The following UHMK1 variants were observed in gnomAD, a reference collection of about 807,000 sequenced individuals.
UHMK1 encodes U2AF homology motif kinase 1, also known as serine/threonine-protein kinase Kist.
In UHMK1, 18 loss-of-function variants were observed where a neutral mutation model predicts 44.0. That is an observed-to-expected ratio of 0.41 (90% CI 0.28 to 0.61). UHMK1 has a LOEUF of 0.61. Among genes scored for constraint, UHMK1 ranks in the 20% least tolerant of loss-of-function variants. The probability of loss-of-function intolerance (pLI) is 0.31; values close to 1 mark genes in which losing one functional copy is unlikely to be tolerated. For synonymous variants in UHMK1, 231 were observed against 198.5 expected, an observed-to-expected ratio of 1.16 and a Z score of -1.38; for missense variants, 463 against 522.5, an observed-to-expected ratio of 0.89 and a Z score of 1.11.
At chr1:162,506,811 C>T (rs1571008334) in intron 4 of UHMK1, among the ~76,000 whole-genome samples, 1 of 151,916 alleles carries the variant, frequency 6.6e-6, no homozygotes, top group African/African-American at 2.4e-5. Context: ...TTGCAGTGAG[C>T]TAAGATCGTG....
intron 1 of UHMK1, among the ~76,000 whole-genome samples, chr1:162,498,674 C>CACCTATTATATCTTA (rs1557938314): frequency 2.0e-5 from 3 of 152,120 alleles, no homozygotes; most frequent in African/African-American, 7.2e-5. Flanking sequence ...GCTAGTAACT[C>CACCTATTATATCTTA]GTATAGCTCA....
At chr1:162,510,735 C>T (rs1452052159) in intron 4 of UHMK1, among the ~76,000 whole-genome samples, 2 of 151,288 alleles carry the variant, frequency 1.3e-5, no homozygotes, top group East Asian at 3.9e-4. Context: ...TAGGTTGATT[C>T]CATATCTTGT....
At position 162,528,796 on chromosome 1, in the gene UHMK1, A is replaced by G. The variant is rs1028870463; in HGVS notation, c.*6246A>G. ...TTTGAAATATCTTAAATAATTTAAC[A>G]TTCCTTTATAACTTCTTAACAGTGT... On this transcript the variant is annotated 3_prime_UTR_variant, in exon 8 of 8. Coordinates refer to ENST00000489294, the MANE Select transcript of UHMK1 (RefSeq NM_175866.5). The G allele has an allele frequency of 1.3e-5, 2 of 152,120 alleles. No homozygotes were observed. Among genetic ancestry groups the G allele is most frequent in the Admixed American group, 6.6e-5 (1 of 15,266 alleles). The allele number at this position is 152,120 out of a possible 1,614,324, so 9.4% of individuals were successfully genotyped here.
At position 162,501,010 on chromosome 1, in the gene UHMK1, C is replaced by T; in HGVS notation, c.659C>T (p.Thr220Ile). Reference protein sequence around the residue: ...QAGLQSDTECTSAVDLWSLGI... With the variant: ...QAGLQSDTECISAVDLWSLGI... ...GGCCTGCAGAGTGATACAGAATGTA[C>T]CTCAGCTGTTGATCTGTGGAGCCTA... Residue 220 changes from threonine to isoleucine, a missense_variant, in exon 3 of 8, where the codon ACC becomes ATC. By Grantham distance (89) the Thr-to-Ile change is moderately conservative (BLOSUM62 -1). Around this residue, in one of 3 missense-constraint regions of UHMK1, gnomAD observed 264 missense variants for 326.3 expected, o/e 0.81. Transcript: ENST00000489294. 6.2e-7 allele frequency: 1 copy of T among 1,614,032 alleles called. No homozygotes were observed. The highest frequency in any genetic ancestry group is 8.5e-7 in the Non-Finnish European group (1 of 1,180,012).
intron 6 of UHMK1, among the ~76,000 whole-genome samples, chr1:162,514,612 A>AAGAAGGAAGGAG (rs1651775505): frequency 6.6e-6 from 1 of 152,184 alleles, no homozygotes; most frequent in South Asian, 2.1e-4. Flanking sequence ...GAAGGAAGGA[A>AAGAAGGAAGGAG]AGAAGGAAGG....
intron 7 of UHMK1, among the ~76,000 whole-genome samples, chr1:162,519,074 T>C (rs951566301): frequency 2.6e-5 from 4 of 151,634 alleles, no homozygotes; most frequent in Non-Finnish European, 1.5e-5. Context: ...CCTAGCACTT[T>C]GGGAGGCCGA....
chr1:162,518,054 CTTGT>C (rs766829209), intron 6 of UHMK1, 44 bp from the exon 7 acceptor site: 36 of 1,334,142 alleles, frequency 2.7e-5, no homozygotes, highest in Non-Finnish European at 3.6e-5. Flanking sequence ...ATGTTGAATA[CTTGT>C]TTATTATATC....
chr1:162,511,985 TG>T (rs2101678894), intron 4 of UHMK1, among the ~76,000 whole-genome samples: 2 of 152,246 alleles, frequency 1.3e-5, no homozygotes, highest in South Asian at 4.2e-4. Flanking sequence ...TTTTGGTTAC[TG>T]TAGCTTCATA....
At position 162,525,672 on chromosome 1, in the gene UHMK1, C is replaced by T. The variant is rs1652219839; in HGVS notation, c.*3122C>T. The stretch of plus-strand genomic sequence containing the variant: ...AGGAATTTTTAAAACTATTCTCTTG[C>T]AATAAGAGATCCGCATTTATTACCA... On this transcript the variant is annotated 3_prime_UTR_variant, in exon 8 of 8. Coordinates refer to ENST00000489294, the MANE Select transcript of UHMK1 (RefSeq NM_175866.5). 6.6e-6 allele frequency: 1 copy of T among 152,170 alleles called. No individual in the cohort carries two copies. The highest frequency in any genetic ancestry group is 1.5e-5 in the Non-Finnish European group (1 of 68,034). 9.4% of individuals were successfully genotyped at this position (152,170 alleles called of 1,614,324 possible).
intron 7 of UHMK1, among the ~76,000 whole-genome samples, chr1:162,522,015 A>G (rs1652077078): frequency 6.6e-6 from 1 of 152,146 alleles, no homozygotes. Context: ...ATTATCATCC[A>G]GGTACCATTG....
chr1:162,499,930 A>G (rs780837537), intron 1 of UHMK1, 25 bp from the exon 2 acceptor site: 5 of 1,608,196 alleles, frequency 3.1e-6, no homozygotes, highest in Non-Finnish European at 4.2e-6. Context: ...TCTGATTTTT[A>G]AAGTATTATA....
At chr1:162,507,072 T>C (rs1651495138) in intron 4 of UHMK1, among the ~76,000 whole-genome samples, 1 of 152,148 alleles carries the variant, frequency 6.6e-6, no homozygotes, top group Non-Finnish European at 1.5e-5. Flanking sequence ...CCTCCTCGTC[T>C]ACATACGTTT....
rs200218058 is a variant in UHMK1 at position 162,498,198 on chromosome 1, C to A, written c.198C>A (p.Ala66=). 4.3e-5 allele frequency: 69 copies of A among 1,612,922 alleles called. No homozygotes were observed. The East Asian group carries it at 1.4e-3, about 34-fold the overall frequency. Residue 66 remains alanine (A), a synonymous_variant, in exon 1 of 8, where the codon GCC becomes GCA. Coordinates refer to ENST00000489294, the MANE Select transcript of UHMK1 (RefSeq NM_175866.5). ...CGCCAGGAACCACCGGGGCTGCGGC[C>A]TCTGCCGCCGAGTATGGTTTCCGCA... ...FLPPGTTGAA[A]SAAEYGFRKE... is the part of the protein sequence containing the mutation.
Position 162,522,630 on chromosome 1 carries a change from T to TTAC in UHMK1, c.*81_*83dup. 7.0e-7 allele frequency: 1 copy of TTAC among 1,423,814 alleles called. No individual in the cohort carries two copies. Among genetic ancestry groups the TTAC allele is most frequent in the South Asian group, 1.3e-5 (1 of 75,556 alleles). The allele number at this position is 1,423,814 out of a possible 1,614,324, so 88.2% of individuals were successfully genotyped here. On this transcript the variant is annotated 3_prime_UTR_variant, in exon 8 of 8. Transcript: ENST00000489294. ...CACATATGAATGCAGGACTACCCCC[T>TTAC]TACCATTTTAAGAAGGTACTTTATA...
intron 4 of UHMK1, among the ~76,000 whole-genome samples, chr1:162,504,607 G>T (rs1250018042): frequency 6.6e-6 from 1 of 152,104 alleles, no homozygotes; most frequent in Admixed American, 6.5e-5. Context: ...ATTAAAAATG[G>T]TATACCTTAT....
chr1:162,502,752 A>G (rs1349255244), intron 3 of UHMK1, among the ~76,000 whole-genome samples: 1 of 152,214 alleles, frequency 6.6e-6, no homozygotes, highest in Non-Finnish European at 1.5e-5. Context: ...AAGTCAAGCT[A>G]CTAGGGTTTG....
intron 1 of UHMK1, among the ~76,000 whole-genome samples, chr1:162,498,478 A>G (rs964553540): frequency 6.6e-6 from 1 of 152,172 alleles, no homozygotes; most frequent in Admixed American, 6.5e-5. Context: ...GGTGTCACAT[A>G]GATGCTCAGT....
At position 162,500,068 on chromosome 1, in the gene UHMK1, C is replaced by T. The variant is rs1651211078; in HGVS notation, c.382C>T (p.Gln128Ter). 3 of 1,614,154 alleles carry T rather than the reference C, an allele frequency of 1.9e-6. No individual in the cohort carries two copies. The highest frequency in any genetic ancestry group is 2.5e-6 in the Non-Finnish European group (3 of 1,180,038). The change falls in exon 2 of 8, where the codon CAG becomes TAG. Residue 128 changes from glutamine to a stop codon, truncating the protein, a stop_gained. Transcript: ENST00000489294. LOFTEE classifies it high-confidence loss of function. Reference protein sequence around the residue: ...VSELLLYSSHQGCSMWMIQHC... With the variant: ...VSELLLYSSH ...GGAATTGCTCTTATATTCCAGTCAC[C>T]AGGGTTGTTCCATGTGGATGATACA...
chr1:162,515,612 G>T (rs931025276), intron 6 of UHMK1, among the ~76,000 whole-genome samples: 2 of 152,140 alleles, frequency 1.3e-5, no homozygotes, highest in Admixed American at 6.5e-5. Context: ...GGTTACGAAG[G>T]TACAATGGCT....
Sources: allele counts gnomAD v4.1 joint callset (sites outside exome capture counted in the v4.1 genomes callset), GRCh38; gene constraint gnomAD v4.1.1; regional missense constraint gnomAD v4.1.1; transcripts MANE v1.5; gene names NCBI Gene and HGNC (gene_info 2026-07-23, HGNC 2026-07-21).